The following EIF4G3 variants were observed in gnomAD, a reference collection of about 807,000 sequenced individuals.
EIF4G3 encodes the protein eIF-4-gamma 3.
EIF4G3 carries 34 observed loss-of-function variants against 186.4 expected under a neutral mutation model. That is an observed-to-expected ratio of 0.18 (90% CI 0.14 to 0.24). EIF4G3 has a LOEUF of 0.24. Among genes scored for constraint, EIF4G3 ranks in the 10% least tolerant of loss-of-function variants. The pLI is 1.00. For missense variants in EIF4G3, 1,536 were observed against 1,948.5 expected, an observed-to-expected ratio of 0.79 and a Z score of 3.99; for synonymous variants, 673 against 679.5, an observed-to-expected ratio of 0.99 and a Z score of 0.15.
intron 15 of EIF4G3, 143 bp from the exon 16 acceptor site, chr1:20,900,086 A>G (rs1204499388): frequency 4.6e-6 from 4 of 877,162 alleles, no homozygotes; most frequent in Non-Finnish European, 5.2e-6. Flanking sequence ...TGGTATTAGA[A>G]TGCTGAGTTT....
chr1:21,053,589 A>G (rs1571775202), intron 3 of EIF4G3, among the ~76,000 whole-genome samples: 2 of 126,600 alleles, frequency 1.6e-5, no homozygotes, highest in African/African-American at 3.1e-5. Flanking sequence ...TCCGGGAGGG[A>G]GGTTGGGGGG....
chr1:20,945,359 TA>T (rs1276366112), intron 13 of EIF4G3, among the ~76,000 whole-genome samples: 1 of 152,244 alleles, frequency 6.6e-6, no homozygotes, highest in Non-Finnish European at 1.5e-5. Context: ...AATAGAGATT[TA>T]TTAAAGAAAT....
At position 20,917,270 on chromosome 1, in the gene EIF4G3, G is replaced by A. The variant is rs1005760083; in HGVS notation, c.1664-12299C>T. On this transcript the variant is annotated intron_variant, in intron 14 of 36. Transcript: ENST00000602326. ...CCATCACTTTGGGAGGCCAAGGCAGGTGGATTGCTTAAGCCCAGAGTTTGA... is the reference window on the plus strand; with the variant it reads ...CCATCACTTTGGGAGGCCAAGGCAGATGGATTGCTTAAGCCCAGAGTTTGA... Among the ~76,000 whole-genome samples, 11 of 152,366 alleles carry A rather than the reference G, an allele frequency of 7.2e-5. No homozygotes were observed. In the East Asian group the frequency reaches 7.7e-4, roughly 11 times the overall value.
chr1:20,955,830 C>T (rs2096398172), intron 12 of EIF4G3, among the ~76,000 whole-genome samples: 1 of 151,976 alleles, frequency 6.6e-6, no homozygotes, highest in South Asian at 2.1e-4. Context: ...AAAGGGAACA[C>T]TGGAGGAGAC....
chr1:21,024,597 C>A (rs2154571258), intron 4 of EIF4G3, among the ~76,000 whole-genome samples: 1 of 149,962 alleles, frequency 6.7e-6, no homozygotes, highest in East Asian at 1.9e-4. Flanking sequence ...TTACCCCCAA[C>A]CCTGTGCTCT....
intron 4 of EIF4G3, among the ~76,000 whole-genome samples, chr1:21,042,477 G>A (rs993626492): frequency 5.3e-5 from 8 of 152,092 alleles, no homozygotes; most frequent in Non-Finnish European, 7.4e-5. Flanking sequence ...GAAATTCACA[G>A]TTCTTAGTTC....
intron 13 of EIF4G3, among the ~76,000 whole-genome samples, chr1:20,948,076 C>G (rs1212360084): frequency 6.6e-6 from 1 of 152,118 alleles, no homozygotes; most frequent in Non-Finnish European, 1.5e-5. Flanking sequence ...AAAGTCTGCA[C>G]AGAAGATATA....
intron 32 of EIF4G3, among the ~76,000 whole-genome samples, chr1:20,827,097 T>TC (rs1220094302): frequency 3.9e-5 from 6 of 152,228 alleles, no homozygotes; most frequent in Non-Finnish European, 7.3e-5. Flanking sequence ...AATCTTCATT[T>TC]CTGAGTTCTG....
At chr1:21,056,257 A>G (rs1319352478) in intron 3 of EIF4G3, among the ~76,000 whole-genome samples, 1 of 152,200 alleles carries the variant, frequency 6.6e-6, no homozygotes, top group Non-Finnish European at 1.5e-5. Flanking sequence ...GCCAAAGAAA[A>G]TAAGTCTGTA....
intron 14 of EIF4G3, among the ~76,000 whole-genome samples, chr1:20,930,298 T>C (rs943578867): frequency 2.6e-5 from 4 of 152,176 alleles, no homozygotes; most frequent in African/African-American, 4.8e-5. Flanking sequence ...ACTGCTCCTT[T>C]CATGAATGAT....
Position 20,857,480 on chromosome 1 carries a change from C to T in EIF4G3, c.3262G>A (p.Glu1088Lys), listed in dbSNP as rs1386954741. The T allele has an allele frequency of 6.2e-7, 1 of 1,614,126 alleles. No individual in the cohort carries two copies. Among genetic ancestry groups the T allele is most frequent in the Non-Finnish European group, 8.5e-7 (1 of 1,180,008 alleles). ...CCTTGTACAGTGTTCCACCCACCTT[C>T]GTCCACTCTCTGGACACCTGCAGGG... ...KRRPGVQRVD[E>K]GGWNTVQGAK... Residue 1088 changes from glutamate (E) to lysine (K), a missense_variant, in exon 25 of 37, where the codon GAA becomes AAA. This residue lies in a region of EIF4G3 where 110 missense variants were observed against 166.2 expected (regional missense o/e 0.66). Coordinates refer to ENST00000602326, the MANE Select transcript of EIF4G3 (RefSeq NM_001391906.1).
intron 20 of EIF4G3, among the ~76,000 whole-genome samples, chr1:20,878,363 T>C (rs1363204461): frequency 6.6e-6 from 1 of 152,218 alleles, no homozygotes; most frequent in Non-Finnish European, 1.5e-5. Context: ...GTGTTTTCTT[T>C]TTCTTCCAAC....
At chr1:21,058,787 T>G (rs2094721411) in intron 3 of EIF4G3, among the ~76,000 whole-genome samples, 1 of 135,196 alleles carries the variant, frequency 7.4e-6, no homozygotes, top group African/African-American at 2.8e-5. Flanking sequence ...CAGGCTGGTC[T>G]CAAACTCTGA....
intron 15 of EIF4G3, among the ~76,000 whole-genome samples, chr1:20,900,495 T>C (rs752067465): frequency 2.3e-5 from 3 of 131,956 alleles, no homozygotes; most frequent in Non-Finnish European, 4.8e-5. Context: ...TGTGACCATA[T>C]AGAAAAATCT....
intron 34 of EIF4G3, among the ~76,000 whole-genome samples, chr1:20,814,294 G>C (rs1359956313): frequency 1.3e-5 from 2 of 152,090 alleles, no homozygotes; most frequent in African/African-American, 4.8e-5. Context: ...GCACATTCTT[G>C]CTAAAATTAA....
At chr1:20,888,014 A>T (rs1255367642) in intron 18 of EIF4G3, among the ~76,000 whole-genome samples, 1 of 152,182 alleles carries the variant, frequency 6.6e-6, no homozygotes, top group African/African-American at 2.4e-5. Context: ...GTCAAGAACA[A>T]ATGTTTCTGG....
At chr1:21,157,412 C>T (rs1163814886) in intron 2 of EIF4G3, among the ~76,000 whole-genome samples, 2 of 151,642 alleles carry the variant, frequency 1.3e-5, no homozygotes, top group Non-Finnish European at 2.9e-5. Flanking sequence ...CTCTTTCTTA[C>T]CCAGGCTGGA....
chr1:21,002,895 G>T (rs968774149), intron 4 of EIF4G3, 87 bp from the exon 5 acceptor site: 13 of 760,646 alleles, frequency 1.7e-5, no homozygotes, highest in Non-Finnish European at 2.8e-5. Flanking sequence ...AAAGTTTACA[G>T]AAGTGGTTAT....
At chr1:20,894,805 T>C (rs1041550566) in intron 17 of EIF4G3, among the ~76,000 whole-genome samples, 20 of 152,208 alleles carry the variant, frequency 1.3e-4, no homozygotes, top group Non-Finnish European at 7.3e-5. Flanking sequence ...AAACAAATAC[T>C]GACTGTACTA....
Sources: allele counts gnomAD v4.1 joint callset (sites outside exome capture counted in the v4.1 genomes callset), GRCh38; gene constraint gnomAD v4.1.1; regional missense constraint gnomAD v4.1.1; transcripts MANE v1.5; gene names NCBI Gene and HGNC (gene_info 2026-07-23, HGNC 2026-07-21).